PDLIM7: variants seen among roughly 807,000 people sequenced by gnomAD.
PDLIM7 encodes PDZ and LIM domain 7.
A neutral mutation model predicts 53.9 loss-of-function variants in PDLIM7; 37 were observed. That is an observed-to-expected ratio of 0.69 (90% CI 0.53 to 0.90). The LOEUF is 0.90. Among genes scored for constraint, PDLIM7 ranks in the 40% least tolerant of loss-of-function variants. The pLI is 0.00. For missense variants in PDLIM7, 617 were observed against 638.5 expected, an observed-to-expected ratio of 0.97 and a Z score of 0.36; for synonymous variants, 300 against 261.3, an observed-to-expected ratio of 1.15 and a Z score of -1.43.
Position 177,496,465 on chromosome 5 carries a change from G to T in PDLIM7, c.48C>A (p.Phe16Leu). The T allele has an allele frequency of 6.2e-7, 1 of 1,605,582 alleles. No homozygotes were observed. The highest frequency in any genetic ancestry group is 1.3e-5 in the African/African-American group (1 of 74,694). ...TGAAGTCCTTGCCCCCTTGCAGCCG[G>T]AAGCCCCAAGGTGCTGGCCCCTCCA... ...VVLEGPAPWG[F>L]RLQGGKDFNV... The change falls in exon 2 of 13, where the codon TTC (phenylalanine) becomes TTA (leucine). Residue 16 changes from phenylalanine (F) to leucine (L), a missense_variant. Physicochemically the swap from Phe to Leu is conservative, Grantham distance 22 (BLOSUM62 0). Coordinates refer to ENST00000355841, the MANE Select transcript of PDLIM7 (RefSeq NM_005451.5).
At chr5:177,493,793 G>T (rs1380864590) in intron 2 of PDLIM7, among the ~76,000 whole-genome samples, 2 of 151,500 alleles carry the variant, frequency 1.3e-5, no homozygotes, top group South Asian at 2.1e-4. Flanking sequence ...CTTTTGTGAG[G>T]CAGTGCTGGA....
Position 177,491,130 on chromosome 5 carries a change from G to T in PDLIM7, c.415C>A (p.Leu139Met). 1.2e-6 allele frequency: 2 copies of T among 1,609,900 alleles called. No individual in the cohort carries two copies. Among genetic ancestry groups the T allele is most frequent in the Non-Finnish European group, 1.7e-6 (2 of 1,178,112 alleles). Residue 139 changes from leucine to methionine, a missense_variant, in exon 6 of 13, where the codon CTG becomes ATG. Coordinates refer to ENST00000355841, the MANE Select transcript of PDLIM7 (RefSeq NM_005451.5). ...PQQNGQPLRP[L>M]VPDASKQRLM... is the part of the protein sequence containing the mutation. ...CGCTGCTTGCTGGCATCTGGGACCA[G>T]CGGTCGGAGCGGCTGTCTGTGGGGA...
At chr5:177,485,573 C>T (rs1246486308) in intron 10 of PDLIM7, among the ~76,000 whole-genome samples, 1 of 152,240 alleles carries the variant, frequency 6.6e-6, no homozygotes, top group East Asian at 1.9e-4. Context: ...ATCCCAGATC[C>T]AATCCCTGCA....
intron 2 of PDLIM7, among the ~76,000 whole-genome samples, chr5:177,493,821 G>T (rs925294586): frequency 6.6e-6 from 1 of 152,106 alleles, no homozygotes; most frequent in Non-Finnish European, 1.5e-5. Context: ...TTCACTGGGT[G>T]GGGGGGATCT....
intron 2 of PDLIM7, chr5:177,495,014 G>C (rs1758996713): frequency 6.6e-6 from 1 of 152,380 alleles, no homozygotes; most frequent in South Asian, 2.1e-4. Context: ...ATGCTGACCA[G>C]GGAGCTGGAG....
chr5:177,492,813 G>T, intron 2 of PDLIM7, 136 bp from the exon 3 acceptor site: 2 of 966,980 alleles, frequency 2.1e-6, no homozygotes, highest in South Asian at 1.6e-5. Flanking sequence ...ATAGTTCTAG[G>T]CAGCTGCTGG....
chr5:177,489,831 G>A lies in PDLIM7; in HGVS notation c.574C>T (p.Gln192Ter). Residue 192 changes from glutamine (Q) to a stop codon, truncating the protein, a stop_gained and splice_region_variant, in exon 8 of 13, where the codon CAG becomes TAG. Coordinates refer to ENST00000355841, the MANE Select transcript of PDLIM7 (RefSeq NM_005451.5). LOFTEE classifies it high-confidence loss of function. ...PDEEHLKKSS[Q>*]VPRTEAPAPA... ...GCTGGGGCTTCTGTCCTGGGCACCT[G>A]GCTGCAAGATCTGCCATTCAAGGCC... 2 of 1,585,850 alleles carry A rather than the reference G, an allele frequency of 1.3e-6. No homozygotes were observed. Among genetic ancestry groups the A allele is most frequent in the Non-Finnish European group, 1.7e-6 (2 of 1,167,590 alleles).
intron 10 of PDLIM7, among the ~76,000 whole-genome samples, chr5:177,487,161 G>C (rs935499995): frequency 5.3e-5 from 8 of 151,876 alleles, no homozygotes; most frequent in African/African-American, 1.9e-4. Context: ...TTGAACTCCT[G>C]ACCTCAGGTG....
intron 10 of PDLIM7, among the ~76,000 whole-genome samples, chr5:177,485,796 G>A (rs528778902): frequency 6.6e-6 from 1 of 152,248 alleles, no homozygotes; most frequent in Admixed American, 6.5e-5. Flanking sequence ...ACCAGCCTGG[G>A]CAACATAGCA....
intron 2 of PDLIM7, among the ~76,000 whole-genome samples, chr5:177,494,182 A>T (rs572900774): frequency 3.3e-4 from 50 of 152,212 alleles, no homozygotes; most frequent in Non-Finnish European, 5.7e-4. Flanking sequence ...TGCACTTGCA[A>T]ATGTACACAG....
chr5:177,491,488 A>G, intron 5 of PDLIM7: 1 of 1,290,132 alleles, frequency 7.8e-7, no homozygotes, highest in Non-Finnish European at 1.1e-6. Flanking sequence ...AGGAAGAAAG[A>G]CGGGGAGGGG....
chr5:177,494,767 T>C (rs937853302), intron 2 of PDLIM7, among the ~76,000 whole-genome samples: 4 of 151,992 alleles, frequency 2.6e-5, no homozygotes, highest in Non-Finnish European at 5.9e-5. Context: ...GGCTGGACCC[T>C]GCATGAGGTG....
intron 10 of PDLIM7, among the ~76,000 whole-genome samples, chr5:177,485,922 G>A (rs981931641): frequency 6.6e-6 from 1 of 151,988 alleles, no homozygotes; most frequent in African/African-American, 2.4e-5. Flanking sequence ...GGAGATCAAG[G>A]CTGCAGTGAG....
chr5:177,483,838 G>C (rs748440487), intron 12 of PDLIM7, 29 bp downstream of exon 12: 7 of 1,605,092 alleles, frequency 4.4e-6, no homozygotes, highest in Non-Finnish European at 6.0e-6. Flanking sequence ...GGTGGGCTTG[G>C]GGCTCAGTTC....
Position 177,491,131 on chromosome 5 carries a change from C to T in PDLIM7, c.414G>A (p.Pro138=), listed in dbSNP as rs199782041. The T allele has an allele frequency of 1.0e-5, 15 of 1,438,584 alleles. No homozygotes were observed. Among genetic ancestry groups the T allele is most frequent in the East Asian group, 1.0e-4 (3 of 29,032 alleles). The allele number at this position is 1,438,584 out of a possible 1,614,324, so 89.1% of individuals were successfully genotyped here. A position where few individuals can be genotyped will look rare whatever the true frequency, so the allele number is the denominator to read the frequency against. Residue 138 remains proline, a synonymous_variant, in exon 6 of 13, where the codon CCG becomes CCA. Transcript: ENST00000355841. Reference sequence around the variant, plus strand: ...GCTGCTTGCTGGCATCTGGGACCAGCGGTCGGAGCGGCTGTCTGTGGGGAG... The same window carrying T: ...GCTGCTTGCTGGCATCTGGGACCAGTGGTCGGAGCGGCTGTCTGTGGGGAG... ...APQQNGQPLR[P]LVPDASKQRL...
chr5:177,497,009 G>GGGGAGGGGA (rs1166631613), intron 1 of PDLIM7: 14 of 23,350 alleles, frequency 6.0e-4, no homozygotes, highest in African/African-American at 1.1e-3. Flanking sequence ...GGGACGCGAG[G>GGGGAGGGGA]GGGGGGGGAG....
chr5:177,495,442 G>A (rs963133715), intron 2 of PDLIM7, among the ~76,000 whole-genome samples: 2 of 152,182 alleles, frequency 1.3e-5, no homozygotes, highest in African/African-American at 4.8e-5. Context: ...GCGGATATAG[G>A]GGCAGGAAGT....
chr5:177,489,832 G>A lies in PDLIM7; in HGVS notation c.573C>T (p.Ser191=). ...DPDEEHLKKS[S]QVPRTEAPAP... ...CTGGGGCTTCTGTCCTGGGCACCTGGCTGCAAGATCTGCCATTCAAGGCCC... is the reference window on the plus strand; with the variant it reads ...CTGGGGCTTCTGTCCTGGGCACCTGACTGCAAGATCTGCCATTCAAGGCCC... The change falls in exon 8 of 13, where the codon AGC becomes AGT. Residue 191 remains serine (S), a splice_region_variant and synonymous_variant. Transcript: ENST00000355841. 1 of 1,585,544 alleles carries A rather than the reference G, an allele frequency of 6.3e-7. No homozygotes were observed. The highest frequency in any genetic ancestry group is 8.6e-7 in the Non-Finnish European group (1 of 1,167,436).
rs1452989821 is a variant in PDLIM7 at position 177,489,396 on chromosome 5, A to C, written c.866T>G (p.Ile289Ser). Residue 289 changes from isoleucine to serine, a missense_variant, in exon 9 of 13, where the codon ATC (isoleucine) becomes AGC (serine). Coordinates refer to ENST00000355841, the MANE Select transcript of PDLIM7 (RefSeq NM_005451.5). ...CGGACAGGAACAGGCCACCCACCGG[A>C]TGACCTTGTGGCACTGGTGACACAC... ...TPVCHQCHKV[I>S]RGRYLVALGH... is the part of the protein sequence containing the mutation. 8.9e-6 allele frequency: 14 copies of C among 1,574,048 alleles called. No individual in the cohort carries two copies. Among genetic ancestry groups the C allele is most frequent in the Non-Finnish European group, 1.2e-5 (14 of 1,157,946 alleles).
Sources: gnomAD v4.1 joint callset for allele counts (sites outside exome capture counted in the v4.1 genomes callset) on GRCh38, gnomAD v4.1.1 for gene constraint, MANE v1.5 for transcripts, NCBI Gene and HGNC (gene_info 2026-07-23, HGNC 2026-07-21) for gene names.